Variants in C9 observed in about 807,000 individuals in gnomAD.
C9 encodes the protein complement component C9.
A neutral mutation model predicts 65.4 loss-of-function variants in C9; 63 were observed. The observed-to-expected ratio is 0.96, with a 90% confidence interval of 0.79 to 1.19. C9 has a LOEUF of 1.19. Ranked by LOEUF, C9 falls within the 50% of genes most tolerant of loss-of-function variation. The pLI, the probability that C9 is intolerant of heterozygous loss-of-function variation, is 0.00. For missense variants in C9, 744 were observed against 670.1 expected (o/e 1.11, Z -1.22); for synonymous variants, 229 against 227.9 (o/e 1.00, Z -0.04).
chr5:39,343,938 T>C (rs546044785), intron 1 of C9, among the ~76,000 whole-genome samples: 1 of 142,944 alleles, frequency 7.0e-6, no homozygotes, highest in Admixed American at 6.8e-5. Flanking sequence ...TCTGGCAAAC[T>C]CCAACACACC....
intron 1 of C9, among the ~76,000 whole-genome samples, chr5:39,354,323 A>G (rs1284919461): frequency 1.3e-5 from 2 of 152,206 alleles, no homozygotes; most frequent in East Asian, 1.9e-4. Context: ...TACCAAGTAC[A>G]TATCATAATC....
At chr5:39,317,588 A>G (rs1392229760) in intron 5 of C9, among the ~76,000 whole-genome samples, 5 of 152,188 alleles carry the variant, frequency 3.3e-5, no homozygotes, top group Non-Finnish European at 5.9e-5. Context: ...AGCACTATTT[A>G]TTAAATAGGG....
chr5:39,339,241 G>T (rs1408724007), intron 4 of C9, among the ~76,000 whole-genome samples: 2 of 152,188 alleles, frequency 1.3e-5, no homozygotes, highest in South Asian at 2.1e-4. Flanking sequence ...CATTTGATTT[G>T]AGATTCCCAC....
chr5:39,306,771 A>T lies in C9; in HGVS notation c.1262T>A (p.Leu421His). 6.2e-7 allele frequency: 1 copy of T among 1,612,072 alleles called. No individual in the cohort carries two copies. Residue 421 changes from leucine (L) to histidine (H), a missense_variant, in exon 9 of 11, where the codon CTC (leucine) becomes CAC (histidine). By Grantham distance (99) the Leu-to-His change is moderately conservative. Coordinates refer to ENST00000263408, the MANE Select transcript of C9 (RefSeq NM_001737.5). ...TATGAGTGAAACAACATCATCTATG[A>T]GGTTTTCACTGGTGATGTTTACTGA... ...GRAVNITSEN[L>H]IDDVVSLIRG...
chr5:39,302,290 A>G (rs1753300068), intron 9 of C9, among the ~76,000 whole-genome samples: 1 of 152,104 alleles, frequency 6.6e-6, no homozygotes, highest in South Asian at 2.1e-4. Context: ...CCTATACTAC[A>G]TAACTCTATC....
At chr5:39,296,646 T>C (rs1249368046) in intron 9 of C9, among the ~76,000 whole-genome samples, 1 of 151,638 alleles carries the variant, frequency 6.6e-6, no homozygotes, top group African/African-American at 2.4e-5. Flanking sequence ...TCCGCACCCT[T>C]CTGTTTATTG....
In C9 at chr5:39,331,862, T is replaced by C. The variant is rs746453320; in HGVS notation, c.477-48A>G. 10 of 1,559,384 alleles carry C rather than the reference T, an allele frequency of 6.4e-6. No homozygotes were observed. In the East Asian group the frequency reaches 1.6e-4, roughly 24 times the overall value. ...CAGAAGTGGAAATACCACAACACAA[T>C]GCAAGGCAGCCCTCTGTAGCTGGAA... On this transcript the variant is annotated intron_variant, in intron 4 of 10. Coordinates refer to ENST00000263408, the MANE Select transcript of C9 (RefSeq NM_001737.5).
chr5:39,349,714 C>G (rs890556187), intron 1 of C9, among the ~76,000 whole-genome samples: 1 of 152,174 alleles, frequency 6.6e-6, no homozygotes, highest in Non-Finnish European at 1.5e-5. Flanking sequence ...CAGTCCTTAT[C>G]TTACTGACTG....
intron 9 of C9, among the ~76,000 whole-genome samples, chr5:39,304,385 A>G (rs1421414226): frequency 6.6e-6 from 1 of 152,188 alleles, no homozygotes; most frequent in East Asian, 1.9e-4. Context: ...TGAACATGTC[A>G]TCTGCAGACA....
chr5:39,348,589 C>A (rs561416575), intron 1 of C9, among the ~76,000 whole-genome samples: 1 of 152,072 alleles, frequency 6.6e-6, no homozygotes, highest in Non-Finnish European at 1.5e-5. Flanking sequence ...TAAACTAGTT[C>A]AACCATTGTG....
chr5:39,285,734 A>G (rs1752981174), intron 10 of C9, among the ~76,000 whole-genome samples: 1 of 150,902 alleles, frequency 6.6e-6, no homozygotes, highest in East Asian at 1.9e-4. Context: ...AGTGAGCCAG[A>G]TGAATCCAAT....
At chr5:39,316,174 C>A in intron 5 of C9, 145 bp from the exon 6 acceptor site, 1 of 649,710 alleles carries the variant, frequency 1.5e-6, no homozygotes, top group Non-Finnish European at 2.7e-6. Context: ...GAGTCAGATT[C>A]CTGGGGTTCA....
In C9 at chr5:39,330,189, A is replaced by G. The variant is rs540643957; in HGVS notation, c.615+1487T>C. Among the ~76,000 whole-genome samples, 8 of 152,350 alleles carry G rather than the reference A, an allele frequency of 5.3e-5. No homozygotes were observed. In the South Asian group the frequency reaches 8.3e-4, roughly 16 times the overall value. On this transcript the variant is annotated intron_variant, in intron 5 of 10. Transcript: ENST00000263408. Reference sequence around the variant, plus strand: ...CATTTTTCCCACCATATATGAACATAGATTAGTTTTGCTACAGAAATATTG... The same window carrying G: ...CATTTTTCCCACCATATATGAACATGGATTAGTTTTGCTACAGAAATATTG...
intron 1 of C9, among the ~76,000 whole-genome samples, chr5:39,343,228 G>A (rs1754123610): frequency 6.6e-6 from 1 of 152,208 alleles, no homozygotes; most frequent in Non-Finnish European, 1.5e-5. Context: ...GCAGGGCAAG[G>A]CATCGCCTCA....
intron 1 of C9, among the ~76,000 whole-genome samples, chr5:39,355,330 C>A (rs1447069252): frequency 6.6e-6 from 1 of 152,176 alleles, no homozygotes; most frequent in Non-Finnish European, 1.5e-5. Context: ...AGTGACTAGA[C>A]CCTGCTCCAA....
chr5:39,309,640 A>T (rs1328332484), intron 7 of C9, among the ~76,000 whole-genome samples: 1 of 152,200 alleles, frequency 6.6e-6, no homozygotes, highest in Non-Finnish European at 1.5e-5. Context: ...AAGGGCTCAG[A>T]TTCTCTGCCT....
chr5:39,333,294 A>G (rs1350877169), intron 4 of C9, among the ~76,000 whole-genome samples: 5 of 152,204 alleles, frequency 3.3e-5, no homozygotes, highest in Admixed American at 1.3e-4. Context: ...GTGCTTGGCC[A>G]TGTGACTTAC....
At chr5:39,304,407 C>A in intron 9 of C9, among the ~76,000 whole-genome samples, 1 of 152,112 alleles carries the variant, frequency 6.6e-6, no homozygotes, top group Non-Finnish European at 1.5e-5. Context: ...CATAATGCTT[C>A]AAATTCCTGA....
chr5:39,328,081 G>A (rs543660608), intron 5 of C9, among the ~76,000 whole-genome samples: 6 of 152,278 alleles, frequency 3.9e-5, no homozygotes, highest in Non-Finnish European at 5.9e-5. Flanking sequence ...AGAGGGAAAG[G>A]TTGAGTGGAG....
Sources: gnomAD v4.1 joint callset for allele counts (sites outside exome capture counted in the v4.1 genomes callset) on GRCh38, gnomAD v4.1.1 for gene constraint, MANE v1.5 for transcripts, NCBI Gene and HGNC (gene_info 2026-07-23, HGNC 2026-07-21) for gene names.